USF3: variants seen among roughly 807,000 people sequenced by gnomAD.
USF3 encodes basic helix-loop-helix domain-containing protein USF3.
A neutral mutation model predicts 157.5 loss-of-function variants in USF3; 29 were observed. That is an observed-to-expected ratio of 0.18 (90% CI 0.14 to 0.25). The LOEUF is 0.25. Among genes scored for constraint, USF3 ranks in the 10% least tolerant of loss-of-function variants. USF3 has a pLI of 1.00. For missense variants in USF3, 2,381 were observed against 2,667.6 expected, an observed-to-expected ratio of 0.89 and a Z score of 2.37; for synonymous variants, 893 against 941.4, an observed-to-expected ratio of 0.95 and a Z score of 0.94.
At chr3:113,677,893 A>C (rs559510962) in intron 1 of USF3, among the ~76,000 whole-genome samples, 9 of 152,182 alleles carry the variant, frequency 5.9e-5, no homozygotes, top group Non-Finnish European at 1.2e-4. Flanking sequence ...TAAAAATGTA[A>C]ATTTGGGGGC....
At chr3:113,691,962 C>T (rs771297570) in intron 1 of USF3, among the ~76,000 whole-genome samples, 24 of 152,184 alleles carry the variant, frequency 1.6e-4, no homozygotes, top group Non-Finnish European at 3.1e-4. Context: ...GGACTGGTTT[C>T]GTGGAAGACA....
intron 1 of USF3, among the ~76,000 whole-genome samples, chr3:113,683,862 T>G (rs969893774): frequency 1.3e-5 from 2 of 152,250 alleles, no homozygotes; most frequent in African/African-American, 2.4e-5. Context: ...GATTTGTCTT[T>G]TAGTCTTCCT....
chr3:113,663,863 C>T (rs1947523970), intron 6 of USF3, among the ~76,000 whole-genome samples: 2 of 152,194 alleles, frequency 1.3e-5, no homozygotes, highest in Non-Finnish European at 2.9e-5. Context: ...GCACACATTA[C>T]AAGAAGTATA....
rs1384001571 is a variant in USF3 at position 113,695,400 on chromosome 3, T to C, written c.-135+970A>G. Among the ~76,000 whole-genome samples the C allele has an allele frequency of 1.3e-4, 20 of 152,326 alleles. No individual in the cohort carries two copies. The East Asian group carries it at 3.9e-3, about 29-fold the overall frequency. On this transcript the variant is annotated intron_variant, in intron 1 of 6. Transcript: ENST00000316407. ...CCTTCAAAAGGCAGGTTTGTCTGTT[T>C]GGTTTTCTTTACAAAAGAGCAAACC...
At position 113,658,900 on chromosome 3, in the gene USF3, T is replaced by A. The variant is rs568132917; in HGVS notation, c.2782A>T (p.Ser928Cys). Residue 928 changes from serine (S) to cysteine (C), a missense_variant, in exon 7 of 7, where the codon AGT becomes TGT. By Grantham distance (112) the Ser-to-Cys change is moderately radical. This residue lies in a region of USF3 where 1,435 missense variants were observed against 1,550.9 expected (regional missense o/e 0.93). Coordinates refer to ENST00000316407, the MANE Select transcript of USF3 (RefSeq NM_001009899.4). ...QETSQDKPPSSLALSDAAKPC... is the reference protein window; with the variant it reads ...QETSQDKPPSCLALSDAAKPC... Reference sequence around the variant, plus strand: ...TTGGCAGCATCTGATAATGCTAAACTACTTGGTGGTTTATCCTGAGATGTC... The same window carrying A: ...TTGGCAGCATCTGATAATGCTAAACAACTTGGTGGTTTATCCTGAGATGTC... 4 of 1,614,204 alleles carry A rather than the reference T, an allele frequency of 2.5e-6. No homozygotes were observed. The highest frequency in any genetic ancestry group is 2.7e-5 in the African/African-American group (2 of 75,066).
At position 113,656,921 on chromosome 3, in the gene USF3, G is replaced by T. The variant is rs1577027255; in HGVS notation, c.4761C>A (p.Asn1587Lys). 6.2e-7 allele frequency: 1 copy of T among 1,614,052 alleles called. No individual in the cohort carries two copies. The highest frequency in any genetic ancestry group is 1.3e-5 in the African/African-American group (1 of 74,928). Reference protein sequence around the residue: ...KSCENPSTSRNHHNHPQNHLN... With the variant: ...KSCENPSTSRKHHNHPQNHLN... Reference sequence around the variant, plus strand: ...GATGGTTCTGGGGATGGTTATGATGGTTCCGACTAGTTGAAGGGTTTTCAC... The same window carrying T: ...GATGGTTCTGGGGATGGTTATGATGTTTCCGACTAGTTGAAGGGTTTTCAC... The change falls in exon 7 of 7, where the codon AAC (asparagine) becomes AAA (lysine). Residue 1587 changes from asparagine (N) to lysine (K), a missense_variant. Physicochemically the swap from Asn to Lys is moderately conservative, Grantham distance 94. Transcript: ENST00000316407.
intron 1 of USF3, among the ~76,000 whole-genome samples, chr3:113,681,336 A>G (rs1460975996): frequency 6.6e-6 from 1 of 151,976 alleles, no homozygotes; most frequent in Non-Finnish European, 1.5e-5. Context: ...CTTTTGCTAT[A>G]TCCCATAGTG....
chr3:113,663,666 G>C (rs1276009469), intron 6 of USF3, among the ~76,000 whole-genome samples: 1 of 152,006 alleles, frequency 6.6e-6, no homozygotes, highest in African/African-American at 2.4e-5. Context: ...ACTTGTCAGG[G>C]GTATAAATAA....
chr3:113,653,531 A>G lies in USF3; in HGVS notation c.*1413T>C, dbSNP rs1577023282. 6.9e-6 allele frequency: 1 copy of G among 145,304 alleles called. No individual in the cohort carries two copies. The highest frequency in any genetic ancestry group is 2.5e-5 in the African/African-American group (1 of 39,358). The allele number at this position is 145,304 out of a possible 1,614,324, so 9.0% of individuals were successfully genotyped here. ...GGCAGGAGAATCACTTGAACCCGGGAGGTGGAGCTTGCAGTGAGCTGAGAT... is the reference window on the plus strand; with the variant it reads ...GGCAGGAGAATCACTTGAACCCGGGGGGTGGAGCTTGCAGTGAGCTGAGAT... On this transcript the variant is annotated 3_prime_UTR_variant, in exon 7 of 7. Coordinates refer to ENST00000316407, the MANE Select transcript of USF3 (RefSeq NM_001009899.4).
chr3:113,657,548 G>T lies in USF3; in HGVS notation c.4134C>A (p.Ile1378=). 6.2e-7 allele frequency: 1 copy of T among 1,614,122 alleles called. No homozygotes were observed. The highest frequency in any genetic ancestry group is 8.5e-7 in the Non-Finnish European group (1 of 1,180,004). The change falls in exon 7 of 7, where the codon ATC becomes ATA. Residue 1378 remains isoleucine, a synonymous_variant. Coordinates refer to ENST00000316407, the MANE Select transcript of USF3 (RefSeq NM_001009899.4). Reference sequence around the variant, plus strand: ...CAACTGAGTTTGAAGAATTAGGAGGGATCTGACTGACCATCATTTGAGTTT... The same window carrying T: ...CAACTGAGTTTGAAGAATTAGGAGGTATCTGACTGACCATCATTTGAGTTT... The part of the protein sequence containing the change: ...SDQTQMMVSQ[I]PPNSSNSVVP...
intron 4 of USF3, among the ~76,000 whole-genome samples, chr3:113,672,278 C>T (rs1707176179): frequency 6.6e-6 from 1 of 151,964 alleles, no homozygotes; most frequent in South Asian, 2.1e-4. Flanking sequence ...GCACGCACCA[C>T]CATACCCGGC....
At chr3:113,670,518 G>A (rs1707128813) in intron 4 of USF3, among the ~76,000 whole-genome samples, 1 of 151,890 alleles carries the variant, frequency 6.6e-6, no homozygotes, top group African/African-American at 2.4e-5. Context: ...AGAATTGCTT[G>A]AAACCCGGGA....
At chr3:113,691,504 G>A (rs4682140) in intron 1 of USF3, among the ~76,000 whole-genome samples, 3,626 of 152,140 alleles carry the variant, frequency 0.024, 116 homozygotes, top group East Asian at 0.11. Flanking sequence ...CCTTTCCTTC[G>A]GAGATCTTCT....
rs756509198 is a variant in USF3 at position 113,659,979 on chromosome 3, C to T, written c.1703G>A (p.Arg568Lys). 5.0e-6 allele frequency: 8 copies of T among 1,614,048 alleles called. No individual in the cohort carries two copies. In the South Asian group the frequency reaches 8.8e-5, roughly 18 times the overall value. The change falls in exon 7 of 7, where the codon AGG (arginine) becomes AAG (lysine). Residue 568 changes from arginine (R) to lysine (K), a missense_variant. By Grantham distance (26) the Arg-to-Lys change is conservative. Around this residue, in one of 6 missense-constraint regions of USF3, gnomAD observed 1,435 missense variants for 1,550.9 expected, o/e 0.93. Coordinates refer to ENST00000316407, the MANE Select transcript of USF3 (RefSeq NM_001009899.4). The part of the protein sequence containing the change: ...PSTTPCPTVM[R>K]AEVSNQTVGQ... ...TACTGTTTGGTTGGAAACTTCTGCC[C>T]TCATCACTGTTGGGCATGGGGTGGT... is the stretch of plus-strand genomic sequence containing the variant.
rs371200273 is a variant in USF3, at chr3:113,659,249, C to T, written c.2433G>A (p.Ala811=). Residue 811 remains alanine, a synonymous_variant, in exon 7 of 7, where the codon GCG becomes GCA. Transcript: ENST00000316407. Reference sequence around the variant, plus strand: ...CATCTCTGACTGAATTCAGGGGACACGCTGACTTGTTTGCTGCTAAGTGTT... The same window carrying T: ...CATCTCTGACTGAATTCAGGGGACATGCTGACTTGTTTGCTGCTAAGTGTT... The part of the protein sequence containing the change: ...GRKHLAANKS[A]CPLNSVRDVS... 31 of 1,614,172 alleles carry T rather than the reference C, an allele frequency of 1.9e-5. No individual in the cohort carries two copies. The highest frequency in any genetic ancestry group is 5.0e-5 in the Admixed American group (3 of 60,006).
chr3:113,658,893 G>C lies in USF3; in HGVS notation c.2789C>G (p.Ala930Gly). 1 of 1,614,184 alleles carries C rather than the reference G, an allele frequency of 6.2e-7. No homozygotes were observed. The highest frequency in any genetic ancestry group is 8.5e-7 in the Non-Finnish European group (1 of 1,180,036). ...TSQDKPPSSLALSDAAKPCAS... is the reference protein window; with the variant it reads ...TSQDKPPSSLGLSDAAKPCAS... Reference sequence around the variant, plus strand: ...GCAGGGTTTGGCAGCATCTGATAATGCTAAACTACTTGGTGGTTTATCCTG... The same window carrying C: ...GCAGGGTTTGGCAGCATCTGATAATCCTAAACTACTTGGTGGTTTATCCTG... The change falls in exon 7 of 7, where the codon GCA (alanine) becomes GGA (glycine). Residue 930 changes from alanine (A) to glycine (G), a missense_variant. Transcript: ENST00000316407.
At chr3:113,667,658 G>A (rs1947590948) in intron 5 of USF3, among the ~76,000 whole-genome samples, 1 of 152,164 alleles carries the variant, frequency 6.6e-6, no homozygotes, top group African/African-American at 2.4e-5. Context: ...CTTGAGGTCA[G>A]GAGTTTGAGA....
intron 1 of USF3, among the ~76,000 whole-genome samples, chr3:113,682,806 C>A (rs1385029449): frequency 6.7e-6 from 1 of 150,322 alleles, no homozygotes; most frequent in Non-Finnish European, 1.5e-5. Context: ...TATGCTATAT[C>A]TTTTCCATCC....
chr3:113,684,345 A>G (rs1343150755), intron 1 of USF3, among the ~76,000 whole-genome samples: 2 of 151,926 alleles, frequency 1.3e-5, no homozygotes, highest in Non-Finnish European at 2.9e-5. Flanking sequence ...TCTTTGAGTT[A>G]ATTTTTCTTG....
Sources: allele counts gnomAD v4.1 joint callset (sites outside exome capture counted in the v4.1 genomes callset), GRCh38; gene constraint gnomAD v4.1.1; regional missense constraint gnomAD v4.1.1; transcripts MANE v1.5; gene names NCBI Gene and HGNC (gene_info 2026-07-23, HGNC 2026-07-21).